The following CLIC6 variants were observed in gnomAD, a reference collection of about 807,000 sequenced individuals.
CLIC6 encodes CLIC family member 6, also known as chloride intracellular channel protein 6.
CLIC6 carries 39 observed loss-of-function variants against 49.2 expected under a neutral mutation model. That is an observed-to-expected ratio of 0.79 (90% CI 0.61 to 1.04). CLIC6 has a LOEUF of 1.04. CLIC6 is among the 50% of genes least tolerant of loss of function. CLIC6 has a pLI of 0.00. For missense variants in CLIC6, 988 were observed against 993.1 expected (o/e 0.99, Z 0.07); for synonymous variants, 446 against 433.4 (o/e 1.03, Z -0.36).
intron 1 of CLIC6, among the ~76,000 whole-genome samples, chr21:34,681,905 T>C (rs1157227185): frequency 2.6e-5 from 4 of 152,176 alleles, no homozygotes; most frequent in Non-Finnish European, 5.9e-5. Flanking sequence ...TACTTTTTTT[T>C]CCACAAAAAA....
intron 3 of CLIC6, 150 bp downstream of exon 3, chr21:34,708,219 A>G (rs2056030306): frequency 1.1e-6 from 1 of 919,710 alleles, no homozygotes. Context: ...TAACCAGATT[A>G]GAGTTCGGGG....
chr21:34,711,493 T>G (rs2056056180), intron 5 of CLIC6, among the ~76,000 whole-genome samples: 1 of 151,992 alleles, frequency 6.6e-6, no homozygotes, highest in Non-Finnish European at 1.5e-5. Flanking sequence ...CACTCCAGCC[T>G]GGGCAACAGA....
At chr21:34,713,207 A>G (rs914558341) in intron 5 of CLIC6, among the ~76,000 whole-genome samples, 3 of 152,212 alleles carry the variant, frequency 2.0e-5, no homozygotes, top group East Asian at 3.8e-4. Flanking sequence ...TGGGAAATAC[A>G]TATATGATCA....
chr21:34,710,298 A>G (rs750487195), intron 5 of CLIC6, among the ~76,000 whole-genome samples: 1 of 152,000 alleles, frequency 6.6e-6, no homozygotes, highest in Non-Finnish European at 1.5e-5. Flanking sequence ...TAGGTTATTA[A>G]TTATTTATTT....
chr21:34,717,808 A>T lies in CLIC6; in HGVS notation c.*1326A>T, dbSNP rs919059676. 12 of 152,316 alleles carry T rather than the reference A, an allele frequency of 7.9e-5. No individual in the cohort carries two copies. The highest frequency in any genetic ancestry group is 2.6e-4 in the African/African-American group (11 of 41,564). The allele number at this position is 152,316 out of a possible 1,614,324, so 9.4% of individuals were successfully genotyped here. A position where few individuals can be genotyped will look rare whatever the true frequency, so the allele number is the denominator to read the frequency against. ...TTTGATGCTATAAAGCTCATTTTTA[A>T]TGTGTACACCTGCTCTAGGGACGAT... On this transcript the variant is annotated 3_prime_UTR_variant, in exon 6 of 6. Coordinates refer to ENST00000349499, the MANE Select transcript of CLIC6 (RefSeq NM_053277.3).
chr21:34,669,499 G>A lies in CLIC6; in HGVS notation c.111G>A (p.Glu37=). 2 of 1,235,580 alleles carry A rather than the reference G, an allele frequency of 1.6e-6. No homozygotes were observed. Among genetic ancestry groups the A allele is most frequent in the East Asian group, 3.2e-5 (1 of 31,652 alleles). 76.5% of individuals were successfully genotyped at this position (1,235,580 alleles called of 1,614,324 possible). A position where few individuals can be genotyped will look rare whatever the true frequency, so the allele number is the denominator to read the frequency against. ...RPGEPGAAGG[E]AEGPEGSEGA... is the part of the protein sequence containing the mutation. ...GAGAGCCAGGAGCCGCGGGCGGGGA[G>A]GCAGAAGGGCCGGAGGGGAGCGAGG... The change falls in exon 1 of 6, where the codon GAG becomes GAA. Residue 37 remains glutamate, a synonymous_variant. Coordinates refer to ENST00000349499, the MANE Select transcript of CLIC6 (RefSeq NM_053277.3).
chr21:34,681,597 G>A (rs1012838029), intron 1 of CLIC6, among the ~76,000 whole-genome samples: 3 of 151,966 alleles, frequency 2.0e-5, no homozygotes, highest in South Asian at 2.1e-4. Flanking sequence ...CTCACATGTC[G>A]TTTGGCAGGA....
At chr21:34,681,628 C>T (rs1490650465) in intron 1 of CLIC6, among the ~76,000 whole-genome samples, 2 of 152,164 alleles carry the variant, frequency 1.3e-5, no homozygotes, top group Non-Finnish European at 2.9e-5. Flanking sequence ...GTTTTTTTTA[C>T]CACTTGGGCC....
chr21:34,703,569 C>T (rs1168985547), intron 1 of CLIC6, among the ~76,000 whole-genome samples: 2 of 151,940 alleles, frequency 1.3e-5, no homozygotes, highest in African/African-American at 2.4e-5. Flanking sequence ...AGGCCATTTG[C>T]CTGAACAAAA....
intron 1 of CLIC6, among the ~76,000 whole-genome samples, chr21:34,686,315 C>A (rs1989877784): frequency 1.3e-5 from 2 of 152,146 alleles, no homozygotes; most frequent in Admixed American, 1.3e-4. Context: ...GCAGAAGAAT[C>A]ACTTGAACTC....
intron 1 of CLIC6, 133 bp from the exon 2 acceptor site, chr21:34,707,147 T>G: frequency 1.4e-6 from 1 of 709,718 alleles, no homozygotes; most frequent in Non-Finnish European, 2.5e-6. Flanking sequence ...GCTGGTAAAA[T>G]GGCCTCAGGA....
intron 1 of CLIC6, among the ~76,000 whole-genome samples, chr21:34,700,446 CAAA>C (rs530221942): frequency 1.5e-5 from 1 of 64,866 alleles, no homozygotes; most frequent in Admixed American, 1.6e-4. Flanking sequence ...GACTCCGTCT[CAAA>C]AAAAAAAAAA....
rs1245881747 is a variant in CLIC6, at chr21:34,669,432, A to C, written c.44A>C (p.Gln15Pro). 1 of 1,234,542 alleles carries C rather than the reference A, an allele frequency of 8.1e-7. No homozygotes were observed. The highest frequency in any genetic ancestry group is 1.6e-5 in the African/African-American group (1 of 64,382). 76.5% of individuals were successfully genotyped at this position (1,234,542 alleles called of 1,614,324 possible). A position where few individuals can be genotyped will look rare whatever the true frequency, so the allele number is the denominator to read the frequency against. The part of the protein sequence containing the change: ...AEPEGVAPGP[Q>P]GPPEVPAPLA... ...CCGGAGGGGGTTGCCCCGGGTCCCC[A>C]GGGGCCGCCGGAGGTCCCCGCGCCT... The change falls in exon 1 of 6, where the codon CAG becomes CCG. Residue 15 changes from glutamine (Q) to proline (P), a missense_variant. Around this residue, in one of 3 missense-constraint regions of CLIC6, gnomAD observed 284 missense variants for 278.6 expected, o/e 1.02. Coordinates refer to ENST00000349499, the MANE Select transcript of CLIC6 (RefSeq NM_053277.3).
intron 1 of CLIC6, among the ~76,000 whole-genome samples, chr21:34,698,390 A>G (rs1267416791): frequency 7.9e-5 from 12 of 151,858 alleles, no homozygotes; most frequent in Non-Finnish European, 5.9e-5. Context: ...GAAGGAAGGA[A>G]AGAGACAAAA....
At position 34,716,522 on chromosome 21, in the gene CLIC6, C is replaced by T. The variant is rs758360175; in HGVS notation, c.*40C>T. 8 of 1,541,442 alleles carry T rather than the reference C, an allele frequency of 5.2e-6. No homozygotes were observed. Among genetic ancestry groups the T allele is most frequent in the Non-Finnish European group, 7.0e-6 (8 of 1,136,594 alleles). On this transcript the variant is annotated 3_prime_UTR_variant, in exon 6 of 6. Coordinates refer to ENST00000349499, the MANE Select transcript of CLIC6 (RefSeq NM_053277.3). Reference sequence around the variant, plus strand: ...CTGTCTTATTTCTCAGTTGAGTGAGCAAGGATACGAAAACAGTGTGTTTGA... The same window carrying T: ...CTGTCTTATTTCTCAGTTGAGTGAGTAAGGATACGAAAACAGTGTGTTTGA...
rs568794052 is a variant in CLIC6 at position 34,677,557 on chromosome 21, T to A, written c.1374+6795T>A. On this transcript the variant is annotated intron_variant, in intron 1 of 5. Coordinates refer to ENST00000349499, the MANE Select transcript of CLIC6 (RefSeq NM_053277.3). ...CATGTCATCAAGGGCTCAGATTAGT[T>A]CCTTGTGTTCTGTCTCCCTGTATCA... is the stretch of plus-strand genomic sequence containing the variant. Among the ~76,000 whole-genome samples the A allele has an allele frequency of 2.6e-5, 4 of 152,316 alleles. No individual in the cohort carries two copies. In the East Asian group the frequency reaches 5.8e-4, roughly 22 times the overall value.
rs1009089118 is a variant in CLIC6, at chr21:34,700,987, G to A, written c.1375-6293G>A. Reference sequence around the variant, plus strand: ...GAAGATCTGTTTGCTTTGCAATTTAGAAAGGGACTTAAGTTTTTAATTTTC... The same window carrying A: ...GAAGATCTGTTTGCTTTGCAATTTAAAAAGGGACTTAAGTTTTTAATTTTC... On this transcript the variant is annotated intron_variant, in intron 1 of 5. Transcript: ENST00000349499. 4.3e-5 allele frequency among the ~76,000 whole-genome samples: 6 copies of A among 138,664 alleles called. 2 individuals are homozygous for A. The highest frequency in any genetic ancestry group is 1.7e-4 in the African/African-American group (6 of 34,574). The allele number at this position is 138,664 out of a possible 152,430, so 91.0% of individuals were successfully genotyped here. A position where few individuals can be genotyped will look rare whatever the true frequency, so the allele number is the denominator to read the frequency against.
intron 1 of CLIC6, among the ~76,000 whole-genome samples, chr21:34,685,220 C>G (rs1201630597): frequency 6.6e-6 from 1 of 152,176 alleles, no homozygotes; most frequent in African/African-American, 2.4e-5. Flanking sequence ...TGGTCCTCCT[C>G]TAGCCACCTG....
At chr21:34,674,312 G>A (rs75349331) in intron 1 of CLIC6, among the ~76,000 whole-genome samples, 4,751 of 152,144 alleles carry the variant, frequency 0.031, 251 homozygotes, top group African/African-American at 0.11. Context: ...AGAGGGTCTC[G>A]AACTCCTGGG....
Sources: gnomAD v4.1 joint callset for allele counts (sites outside exome capture counted in the v4.1 genomes callset) on GRCh38, gnomAD v4.1.1 for gene constraint, gnomAD v4.1.1 regional missense constraint, MANE v1.5 for transcripts, NCBI Gene and HGNC (gene_info 2026-07-23, HGNC 2026-07-21) for gene names.